LRRC25: variants seen among roughly 807,000 people sequenced by gnomAD.
The protein encoded by LRRC25 is leucine-rich repeat-containing protein 25.
LRRC25 carries 5 observed loss-of-function variants against 18.8 expected under a neutral mutation model. The observed-to-expected ratio is 0.27, with a 90% CI of 0.14 to 0.56. The LOEUF (loss-of-function observed/expected upper bound fraction) is 0.56. Ranked by LOEUF, LRRC25 falls within the 20% of genes least tolerant of loss-of-function variation. The probability of loss-of-function intolerance (pLI) is 0.93; values close to 1 mark genes in which losing one functional copy is unlikely to be tolerated. For synonymous variants in LRRC25, 161 were observed against 176.8 expected (o/e 0.91, Z 0.71); for missense variants, 341 against 389.8 (o/e 0.87, Z 1.05).
rs1971981494 is a variant in LRRC25, at chr19:18,397,043, T to C, written c.-80A>G. On this transcript the variant is annotated 5_prime_UTR_variant, in exon 1 of 2. Coordinates refer to ENST00000339007, the MANE Select transcript of LRRC25 (RefSeq NM_145256.3). ...TCGCCCTCGCCTCCACCGCCAGTGT[T>C]TATTATTATAGCTCAGACCAGCTCA... 2.8e-6 allele frequency: 4 copies of C among 1,408,860 alleles called. No homozygotes were observed. The highest frequency in any genetic ancestry group is 3.8e-6 in the Non-Finnish European group (4 of 1,044,508). 87.3% of individuals were successfully genotyped at this position (1,408,860 alleles called of 1,614,324 possible).
At position 18,391,918 on chromosome 19, in the gene LRRC25, C is replaced by A. The variant is rs6512264; in HGVS notation, c.*69G>T. The stretch of plus-strand genomic sequence containing the variant: ...GATGGGGAAACTGAGGCCATGGAGG[C>A]GTTAGGACGCCCTGAGTCACCCAGC... On this transcript the variant is annotated 3_prime_UTR_variant, in exon 2 of 2. Coordinates refer to ENST00000339007, the MANE Select transcript of LRRC25 (RefSeq NM_145256.3). 1,034,288 of 1,537,386 alleles carry A rather than the reference C, an allele frequency of 0.67. 349,964 individuals carry two copies. Among genetic ancestry groups the A allele is most frequent in the African/African-American group, 0.82 (60,311 of 73,266 alleles).
chr19:18,397,003 A>C lies in LRRC25; in HGVS notation c.-40T>G, dbSNP rs890787910. On this transcript the variant is annotated 5_prime_UTR_variant, in exon 1 of 2. Coordinates refer to ENST00000339007, the MANE Select transcript of LRRC25 (RefSeq NM_145256.3). ...TAGAGACACCGGAATCCTAGCCCTGACCTCAGCCCTGTGGTCGCCCTCGCC... is the reference window on the plus strand; with the variant it reads ...TAGAGACACCGGAATCCTAGCCCTGCCCTCAGCCCTGTGGTCGCCCTCGCC... The C allele has an allele frequency of 6.4e-7, 1 of 1,566,102 alleles. No individual in the cohort carries two copies. Among genetic ancestry groups the C allele is most frequent in the Non-Finnish European group, 8.6e-7 (1 of 1,156,946 alleles).
At chr19:18,394,907 C>G (rs1489386080) in intron 1 of LRRC25, among the ~76,000 whole-genome samples, 1 of 152,090 alleles carries the variant, frequency 6.6e-6, no homozygotes, top group Non-Finnish European at 1.5e-5. Flanking sequence ...GCAAGACCCC[C>G]GTCTCTATGA....
intron 1 of LRRC25, among the ~76,000 whole-genome samples, chr19:18,393,610 G>GA (rs71166509): frequency 0.15 from 21,601 of 146,400 alleles, 1,723 homozygotes; most frequent in Middle Eastern, 0.24. Flanking sequence ...GACAGAGCGG[G>GA]AAAAAAAAAA....
chr19:18,393,173 A>T (rs954245135), intron 1 of LRRC25, among the ~76,000 whole-genome samples: 2 of 152,324 alleles, frequency 1.3e-5, no homozygotes, highest in African/African-American at 4.8e-5. Flanking sequence ...TGTGGCCCTC[A>T]TATATAAAAG....
In LRRC25 at chr19:18,392,178, A is replaced by G. The variant is rs535868753; in HGVS notation, c.780-53T>C. ...GTGTGGGAGGGGGAGGACTCAGGGG[A>G]CAGGCACATGAGCTTTGAGAAAGTC... On this transcript the variant is annotated intron_variant, in intron 1 of 1. Transcript: ENST00000339007. The G allele has an allele frequency of 3.3e-5, 53 of 1,584,480 alleles. No homozygotes were observed. In the South Asian group the frequency reaches 5.4e-4, roughly 16 times the overall value.
chr19:18,392,104 A>T lies in LRRC25; in HGVS notation c.801T>A (p.Asn267Lys). 1 of 1,613,954 alleles carries T rather than the reference A, an allele frequency of 6.2e-7. No individual in the cohort carries two copies. The highest frequency in any genetic ancestry group is 1.1e-5 in the South Asian group (1 of 91,074). The change falls in exon 2 of 2, where the codon AAT becomes AAA. Residue 267 changes from asparagine (N) to lysine (K), a missense_variant. By Grantham distance (94) the Asn-to-Lys change is moderately conservative. Transcript: ENST00000339007. ...TGTCCTTGTAGTTGATGTAAAAGTCATTGTCCTCTGAAGGGTGAGCCCTGG... is the reference window on the plus strand; with the variant it reads ...TGTCCTTGTAGTTGATGTAAAAGTCTTTGTCCTCTGAAGGGTGAGCCCTGG... Reference protein sequence around the residue: ...DEQGAHPSEDNDFYINYKDID... With the variant: ...DEQGAHPSEDKDFYINYKDID...
chr19:18,397,045 A>G lies in LRRC25; in HGVS notation c.-82T>C, dbSNP rs1182165365. 3 of 1,400,046 alleles carry G rather than the reference A, an allele frequency of 2.1e-6. No individual in the cohort carries two copies. The Admixed American group carries it at 6.4e-5, about 30-fold the overall frequency. 86.7% of individuals were successfully genotyped at this position (1,400,046 alleles called of 1,614,324 possible). ...GCCCTCGCCTCCACCGCCAGTGTTT[A>G]TTATTATAGCTCAGACCAGCTCAAG... On this transcript the variant is annotated 5_prime_UTR_variant, in exon 1 of 2. Coordinates refer to ENST00000339007, the MANE Select transcript of LRRC25 (RefSeq NM_145256.3).
Position 18,396,650 on chromosome 19 carries a change from GC to G in LRRC25, c.313del (p.Ala105ProfsTer97). The G allele has an allele frequency of 1.9e-6, 3 of 1,614,062 alleles. No individual in the cohort carries two copies. Among genetic ancestry groups the G allele is most frequent in the Non-Finnish European group, 2.5e-6 (3 of 1,180,016 alleles). On this transcript the variant is annotated frameshift_variant, in exon 1 of 2. Coordinates refer to ENST00000339007, the MANE Select transcript of LRRC25 (RefSeq NM_145256.3). LOFTEE classifies it high-confidence loss of function. ...CTGCAGGTCAAGGTCACAGCGGGCGGCCAGCGCCCCATCCACACGAGACAAG... is the reference window on the plus strand; with the variant it reads ...CTGCAGGTCAAGGTCACAGCGGGCGGCAGCGCCCCATCCACACGAGACAAG... ...NPLSRVDGAL[A>X]ARCDLDLQAD...
In LRRC25 at chr19:18,397,528, C is replaced by A. The variant is rs1299639037; in HGVS notation, c.-565G>T. On this transcript the variant is annotated 5_prime_UTR_variant, in exon 1 of 2. Transcript: ENST00000339007. ...CGGCGCCCAGAGGCTGCGTCCTGGCCCACCTGGACACGGGGGCCGCAGCGG... is the reference window on the plus strand; with the variant it reads ...CGGCGCCCAGAGGCTGCGTCCTGGCACACCTGGACACGGGGGCCGCAGCGG... The A allele has an allele frequency of 6.4e-6, 1 of 155,818 alleles. No homozygotes were observed. The highest frequency in any genetic ancestry group is 1.4e-5 in the Non-Finnish European group (1 of 69,906). 9.7% of individuals were successfully genotyped at this position (155,818 alleles called of 1,614,324 possible).
At chr19:18,392,709 G>C (rs1971917534) in intron 1 of LRRC25, among the ~76,000 whole-genome samples, 2 of 152,114 alleles carry the variant, frequency 1.3e-5, no homozygotes, top group African/African-American at 4.8e-5. Flanking sequence ...TGAGATAGCG[G>C]CCAGGCGCGG....
chr19:18,393,791 C>G (rs1568332835), intron 1 of LRRC25, among the ~76,000 whole-genome samples: 1 of 152,102 alleles, frequency 6.6e-6, no homozygotes, highest in African/African-American at 2.4e-5. Context: ...ATTTCCCTGC[C>G]TCCCAGAGCC....
chr19:18,397,027 C>A lies in LRRC25; in HGVS notation c.-64G>T, dbSNP rs1397383236. The A allele has an allele frequency of 7.5e-6, 11 of 1,472,444 alleles. No homozygotes were observed. The highest frequency in any genetic ancestry group is 1.0e-5 in the Non-Finnish European group (11 of 1,093,120). The allele number at this position is 1,472,444 out of a possible 1,614,324, so 91.2% of individuals were successfully genotyped here. ...GACCTCAGCCCTGTGGTCGCCCTCG[C>A]CTCCACCGCCAGTGTTTATTATTAT... On this transcript the variant is annotated 5_prime_UTR_variant, in exon 1 of 2. Coordinates refer to ENST00000339007, the MANE Select transcript of LRRC25 (RefSeq NM_145256.3).
chr19:18,395,148 G>A (rs1427454020), intron 1 of LRRC25, among the ~76,000 whole-genome samples: 1 of 152,102 alleles, frequency 6.6e-6, no homozygotes, highest in Non-Finnish European at 1.5e-5. Flanking sequence ...GAGGTGGGCG[G>A]ATCACGAGGT....
In LRRC25 at chr19:18,397,109, G is replaced by T. The variant is rs1333628479; in HGVS notation, c.-146C>A. 3.6e-6 allele frequency: 3 copies of T among 832,728 alleles called. No individual in the cohort carries two copies. The highest frequency in any genetic ancestry group is 3.4e-5 in the African/African-American group (2 of 58,218). 51.6% of individuals were successfully genotyped at this position (832,728 alleles called of 1,614,324 possible). On this transcript the variant is annotated 5_prime_UTR_variant, in exon 1 of 2. Transcript: ENST00000339007. ...GGTAAAACGCAGCCCCAGTCTGGTC[G>T]CCTCCTTTGGCTGGTGGGCTGCCTC... is the stretch of plus-strand genomic sequence containing the variant.
chr19:18,392,252 G>A, intron 1 of LRRC25, 127 bp from the exon 2 acceptor site: 1 of 953,638 alleles, frequency 1.0e-6, no homozygotes, highest in Non-Finnish European at 1.6e-6. Flanking sequence ...AGCACTTTGG[G>A]AGGCTGAGGT....
intron 1 of LRRC25, among the ~76,000 whole-genome samples, chr19:18,394,914 A>G (rs1324028038): frequency 6.6e-6 from 1 of 152,128 alleles, no homozygotes; most frequent in East Asian, 1.9e-4. Flanking sequence ...CCCCGTCTCT[A>G]TGAAAAATAC....
In LRRC25 at chr19:18,396,570, A is replaced by G; in HGVS notation, c.394T>C (p.Ser132Pro). ...SWHDIRRDNC[S>P]GQKPLLCWDT... ...CAGCAGAGCAGAGGCTTCTGGCCAG[A>G]GCAGTTGTCTCGGCGGATGTCGTGC... The change falls in exon 1 of 2, where the codon TCT becomes CCT. Residue 132 changes from serine (S) to proline (P), a missense_variant. Transcript: ENST00000339007. 6.2e-7 allele frequency: 1 copy of G among 1,613,780 alleles called. No homozygotes were observed.
At position 18,391,346 on chromosome 19, in the gene LRRC25, C is replaced by T. The variant is rs1359191846; in HGVS notation, c.*641G>A. 1.3e-5 allele frequency: 2 copies of T among 152,356 alleles called. No individual in the cohort carries two copies. Among genetic ancestry groups the T allele is most frequent in the African/African-American group, 4.8e-5 (2 of 41,424 alleles). 9.4% of individuals were successfully genotyped at this position (152,356 alleles called of 1,614,324 possible). A position where few individuals can be genotyped will look rare whatever the true frequency, so the allele number is the denominator to read the frequency against. On this transcript the variant is annotated 3_prime_UTR_variant, in exon 2 of 2. Transcript: ENST00000339007. ...TTGAGGTCAGGAGTTCGAGACCAGC[C>T]TGGCCAACATGGCGAAACCCCATCT...
Sources: allele counts gnomAD v4.1 joint callset (sites outside exome capture counted in the v4.1 genomes callset), GRCh38; gene constraint gnomAD v4.1.1; transcripts MANE v1.5; gene names NCBI Gene and HGNC (gene_info 2026-07-23, HGNC 2026-07-21).